SLC71A1: variants seen among roughly 807,000 people sequenced by gnomAD.
SLC71A1 encodes the protein solute carrier family 71 member 1.
the SLC71A1 span, chr1:100,059,878 G>A: frequency 6.2e-7 from 1 of 1,604,576 alleles, no homozygotes; most frequent in Admixed American, 1.7e-5. Flanking sequence ...ATTTTTTTAG[G>A]GTTTGTTGTC....
chr1:100,058,565 A>G, the SLC71A1 span: 1 of 692,508 alleles, frequency 1.4e-6, no homozygotes. Context: ...TGTAAAATAA[A>G]TCAGATTGTA....
chr1:100,053,557 A>G, the SLC71A1 span, among the ~76,000 whole-genome samples: 1 of 152,302 alleles, frequency 6.6e-6, no homozygotes, highest in African/African-American at 2.4e-5. Context: ...TCAGCATTTC[A>G]GATTTCAAAG....
chr1:100,081,803 AGTT>A, the SLC71A1 span, among the ~76,000 whole-genome samples: 1 of 152,226 alleles, frequency 6.6e-6, no homozygotes, highest in Non-Finnish European at 1.5e-5. Flanking sequence ...CTGTTTTGCC[AGTT>A]GTTATTCCCA....
the SLC71A1 span, among the ~76,000 whole-genome samples, chr1:100,058,370 A>T: frequency 6.6e-6 from 1 of 152,206 alleles, no homozygotes; most frequent in African/African-American, 2.4e-5. Context: ...TTTGCCATTT[A>T]CTTACTGACT....
chr1:100,063,814 G>A, the SLC71A1 span, among the ~76,000 whole-genome samples: 1 of 152,158 alleles, frequency 6.6e-6, no homozygotes, highest in Non-Finnish European at 1.5e-5. Context: ...GGGTTGGGGG[G>A]TGCGGGGTGA....
the SLC71A1 span, among the ~76,000 whole-genome samples, chr1:100,046,728 C>G: frequency 2.0e-5 from 3 of 152,142 alleles, no homozygotes; most frequent in African/African-American, 7.2e-5. Flanking sequence ...CATGAAATAT[C>G]TTCCCATTTG....
At chr1:100,066,029 G>A in the SLC71A1 span, among the ~76,000 whole-genome samples, 34 of 152,168 alleles carry the variant, frequency 2.2e-4, no homozygotes, top group Admixed American at 4.6e-4. Context: ...TTTGTAGGCT[G>A]TTGTCCAGTA....
At chr1:100,049,127 CT>C in the SLC71A1 span, among the ~76,000 whole-genome samples, 1 of 152,122 alleles carries the variant, frequency 6.6e-6, no homozygotes, top group Non-Finnish European at 1.5e-5. Context: ...CCATTTTATC[CT>C]TTAGGAAATC....
At chr1:100,059,752 A>G in the SLC71A1 span, 450 of 741,762 alleles carry the variant, frequency 6.1e-4, 2 homozygotes, top group African/African-American at 7.3e-3. Context: ...TGTTTATTTA[A>G]AAGTTTGTGA....
chr1:100,040,899 A>T, the SLC71A1 span, among the ~76,000 whole-genome samples: 1 of 152,158 alleles, frequency 6.6e-6, no homozygotes, highest in African/African-American at 2.4e-5. Flanking sequence ...AGTTCCGCCA[A>T]TGGGTAGATT....
the SLC71A1 span, among the ~76,000 whole-genome samples, chr1:100,056,909 G>A: frequency 2.0e-5 from 3 of 152,066 alleles, no homozygotes; most frequent in African/African-American, 7.2e-5. Flanking sequence ...GTTTTGATTT[G>A]CATTTCCCCG....
the SLC71A1 span, among the ~76,000 whole-genome samples, chr1:100,049,669 A>C: frequency 1.3e-5 from 2 of 151,928 alleles, no homozygotes; most frequent in African/African-American, 4.8e-5. Context: ...CCACCTCCCA[A>C]GCTCCCTTGG....
chr1:100,038,275 A>G, the SLC71A1 span: 1 of 1,561,452 alleles, frequency 6.4e-7, no homozygotes, highest in East Asian at 2.4e-5. Flanking sequence ...GAACCGCAGT[A>G]TCATGCTGGC....
the SLC71A1 span, among the ~76,000 whole-genome samples, chr1:100,051,126 C>G: frequency 8.9e-3 from 1,333 of 149,930 alleles, 9 homozygotes; most frequent in Middle Eastern, 0.058. Flanking sequence ...GGCGCGGTGG[C>G]TCACACCTGT....
At chr1:100,072,608 T>G in the SLC71A1 span, among the ~76,000 whole-genome samples, 1 of 152,040 alleles carries the variant, frequency 6.6e-6, no homozygotes, top group Non-Finnish European at 1.5e-5. Flanking sequence ...AAAAAATTAG[T>G]AGTAAGCACT....
chr1:100,044,567 G>A, the SLC71A1 span, among the ~76,000 whole-genome samples: 1 of 145,644 alleles, frequency 6.9e-6, no homozygotes, highest in East Asian at 2.0e-4. Flanking sequence ...CCAGGCTGGA[G>A]TGCAATGGCA....
At chr1:100,077,264 G>GA in the SLC71A1 span, 1 of 1,516,306 alleles carries the variant, frequency 6.6e-7, no homozygotes, top group Non-Finnish European at 9.1e-7. Context: ...GTATGGCTTT[G>GA]GTTCAGAACC....
the SLC71A1 span, among the ~76,000 whole-genome samples, chr1:100,047,978 A>G: frequency 6.6e-6 from 1 of 152,222 alleles, no homozygotes; most frequent in African/African-American, 2.4e-5. Context: ...ATTACCTAAT[A>G]TAAATTTTAT....
At chr1:100,046,371 T>C in the SLC71A1 span, among the ~76,000 whole-genome samples, 13 of 151,640 alleles carry the variant, frequency 8.6e-5, no homozygotes, top group Admixed American at 7.2e-4. Context: ...GGATTACAGG[T>C]CCCACCACCA....
Sources: allele counts gnomAD v4.1 joint callset (sites outside exome capture counted in the v4.1 genomes callset), GRCh38; gene constraint gnomAD v4.1.1; transcripts MANE v1.5; gene names NCBI Gene and HGNC (gene_info 2026-07-23, HGNC 2026-07-21).